HEG1: variants seen among roughly 807,000 people sequenced by gnomAD.
HEG1 encodes protein HEG homolog 1.
A neutral mutation model predicts 125.6 loss-of-function variants in HEG1; 56 were observed. That is an observed-to-expected ratio of 0.45 (90% CI 0.36 to 0.56). The LOEUF (loss-of-function observed/expected upper bound fraction) is 0.56, where lower values mean the gene tolerates loss of function less well. Among genes scored for constraint, HEG1 ranks in the 20% least tolerant of loss-of-function variants. The pLI is 0.00. For synonymous variants in HEG1, 644 were observed against 668.5 expected, an observed-to-expected ratio of 0.96 and a Z score of 0.57; for missense variants, 1,523 against 1,670.0, an observed-to-expected ratio of 0.91 and a Z score of 1.53.
chr3:125,001,712 G>T, intron 11 of HEG1, 140 bp downstream of exon 11: 5 of 797,098 alleles, frequency 6.3e-6, no homozygotes, highest in Non-Finnish European at 8.0e-6. Flanking sequence ...TGTGCACAAA[G>T]GTCTTTGACT....
chr3:124,990,636 G>T, intron 14 of HEG1, 151 bp downstream of exon 14: 1 of 750,680 alleles, frequency 1.3e-6, no homozygotes, highest in Non-Finnish European at 2.2e-6. Context: ...ACCACGTCTG[G>T]CCTTTCTCTT....
At chr3:125,036,928 G>A (rs564866516) in intron 1 of HEG1, among the ~76,000 whole-genome samples, 31 of 152,270 alleles carry the variant, frequency 2.0e-4, no homozygotes, top group African/African-American at 7.5e-4. Flanking sequence ...CATATATTTT[G>A]GCCCAAGAAT....
chr3:125,013,575 A>AGAGGAGGAGGAGGAAGAGGAGGAAGAG lies in HEG1; in HGVS notation c.2003_2004insCTCTTCCTCCTCTTCCTCCTCCTCCTC (p.Ser664_Ser672dup), dbSNP rs1560025435. On this transcript the variant is annotated inframe_insertion, in exon 6 of 17. Transcript: ENST00000311127. Reference sequence around the variant, plus strand: ...GCAAAGGAGGCCCTGAAGAAGAAGAAGAGGAGGAGGAGGAAGAGGAGGAGG... The same window carrying AGAGGAGGAGGAGGAAGAGGAGGAAGAG: ...GCAAAGGAGGCCCTGAAGAAGAAGAAGAGGAGGAGGAGGAAGAGGAGGAAGAGGAGGAGGAGGAGGAAGAGGAGGAGG... 3.8e-6 allele frequency: 6 copies of AGAGGAGGAGGAGGAAGAGGAGGAAGAG among 1,577,732 alleles called. No homozygotes were observed. The highest frequency in any genetic ancestry group is 5.2e-6 in the Non-Finnish European group (6 of 1,163,534).
chr3:124,998,165 T>C (rs1268235621), intron 11 of HEG1, among the ~76,000 whole-genome samples: 2 of 152,118 alleles, frequency 1.3e-5, no homozygotes, highest in Admixed American at 6.5e-5. Flanking sequence ...AATGGCCCCG[T>C]GTCTTCCAAA....
chr3:125,002,107 G>T lies in HEG1; in HGVS notation c.3357-95C>A, dbSNP rs866054453. The T allele has an allele frequency of 5.9e-6, 9 of 1,533,590 alleles. No individual in the cohort carries two copies. The Middle Eastern group carries it at 1.0e-3, about 174-fold the overall frequency. 95.0% of individuals were successfully genotyped at this position (1,533,590 alleles called of 1,614,324 possible). ...AATGTCATCGCCATTCACCAGTGAC[G>T]GGATGGGAGAGCATGAAGGTCAGTG... is the stretch of plus-strand genomic sequence containing the variant. On this transcript the variant is annotated intron_variant, in intron 10 of 16. Coordinates refer to ENST00000311127, the MANE Select transcript of HEG1 (RefSeq NM_020733.2).
intron 3 of HEG1, among the ~76,000 whole-genome samples, chr3:125,022,614 C>T (rs1371251442): frequency 6.6e-6 from 1 of 151,566 alleles, no homozygotes; most frequent in African/African-American, 2.4e-5. Flanking sequence ...GAGTCCCAGA[C>T]CACCAAAACC....
At chr3:124,986,275 C>A (rs943739836) in intron 14 of HEG1, among the ~76,000 whole-genome samples, 8 of 152,210 alleles carry the variant, frequency 5.3e-5, no homozygotes, top group African/African-American at 1.9e-4. Context: ...AAAAAGCCTG[C>A]ATAGAGAAGA....
rs987745964 is a variant in HEG1 at position 125,047,016 on chromosome 3, C to T, written c.316+8559G>A. On this transcript the variant is annotated intron_variant, in intron 1 of 16. Coordinates refer to ENST00000311127, the MANE Select transcript of HEG1 (RefSeq NM_020733.2). ...CTCCTCAGATGACCATAGGTGAGGG[C>T]TGTTGCACTTGGTTTTTCTGACTTC... 1.2e-4 allele frequency among the ~76,000 whole-genome samples: 19 copies of T among 152,240 alleles called. 1 individual carries two copies. Among genetic ancestry groups the T allele is most frequent in the Admixed American group, 6.5e-5 (1 of 15,286 alleles).
chr3:125,036,979 G>A (rs2981537), intron 1 of HEG1, among the ~76,000 whole-genome samples: 153 of 152,050 alleles, frequency 1.0e-3, no homozygotes, highest in African/African-American at 3.4e-3. Flanking sequence ...TATTAGGAAG[G>A]GTGCAAAGTT....
At chr3:124,997,323 C>T (rs1936936878) in intron 12 of HEG1, among the ~76,000 whole-genome samples, 1 of 152,116 alleles carries the variant, frequency 6.6e-6, no homozygotes, top group African/African-American at 2.4e-5. Context: ...TAAGCCTGAC[C>T]CCACGCTTGT....
In HEG1 at chr3:125,029,428, A is replaced by T; in HGVS notation, c.377T>A (p.Phe126Tyr). 1 of 1,606,120 alleles carries T rather than the reference A, an allele frequency of 6.2e-7. No homozygotes were observed. Among genetic ancestry groups the T allele is most frequent in the Non-Finnish European group, 8.5e-7 (1 of 1,179,818 alleles). ...TGAAAAGTCCTCTTGATTCTGATAG[A>T]AGGTGATGTTTTCTACATGGGCCTC... Reference protein sequence around the residue: ...NTEAHVENITFYQNQEDFSTV... With the variant: ...NTEAHVENITYYQNQEDFSTV... Residue 126 changes from phenylalanine (F) to tyrosine (Y), a missense_variant, in exon 2 of 17, where the codon TTC becomes TAC. Coordinates refer to ENST00000311127, the MANE Select transcript of HEG1 (RefSeq NM_020733.2).
At chr3:124,971,504 C>G (rs1203339292) in intron 16 of HEG1, among the ~76,000 whole-genome samples, 2 of 129,112 alleles carry the variant, frequency 1.5e-5, no homozygotes. Flanking sequence ...CTTTTTCTTT[C>G]TTTTTTTAGA....
At chr3:125,034,056 C>G (rs1318855344) in intron 1 of HEG1, among the ~76,000 whole-genome samples, 2 of 148,630 alleles carry the variant, frequency 1.3e-5, no homozygotes, top group African/African-American at 4.9e-5. Context: ...AATTATATCT[C>G]CAATACACAC....
chr3:125,052,432 T>G (rs530883343), intron 1 of HEG1, among the ~76,000 whole-genome samples: 3 of 152,148 alleles, frequency 2.0e-5, no homozygotes, highest in Non-Finnish European at 4.4e-5. Context: ...GGAGCTGCAT[T>G]TTTCTAAGAT....
chr3:125,016,031 G>A (rs1240858157), intron 5 of HEG1, among the ~76,000 whole-genome samples: 1 of 152,206 alleles, frequency 6.6e-6, no homozygotes, highest in African/African-American at 2.4e-5. Context: ...CAGTCTGAAG[G>A]GCTCAAGACC....
At chr3:124,986,990 T>C (rs1936749674) in intron 14 of HEG1, among the ~76,000 whole-genome samples, 1 of 152,220 alleles carries the variant, frequency 6.6e-6, no homozygotes, top group Non-Finnish European at 1.5e-5. Context: ...TAGACTCATG[T>C]TCCCTAGATG....
intron 15 of HEG1, among the ~76,000 whole-genome samples, chr3:124,974,920 G>A (rs1936508032): frequency 1.3e-5 from 2 of 152,126 alleles, no homozygotes; most frequent in African/African-American, 4.8e-5. Flanking sequence ...ACATACTCAT[G>A]CACAACTACC....
intron 1 of HEG1, among the ~76,000 whole-genome samples, chr3:125,046,731 C>A (rs905346303): frequency 6.6e-6 from 1 of 152,174 alleles, no homozygotes; most frequent in Non-Finnish European, 1.5e-5. Flanking sequence ...ATCCGCAACC[C>A]CATTTTCAAT....
intron 1 of HEG1, among the ~76,000 whole-genome samples, chr3:125,047,389 CTCTTTCTACTAA>C (rs1167449581): frequency 3.3e-5 from 5 of 152,238 alleles, no homozygotes; most frequent in African/African-American, 9.6e-5. Flanking sequence ...CTGCGCAGGG[CTCTTTCTACTAA>C]TAGCCCATTT....
Sources: gnomAD v4.1 joint callset for allele counts (sites outside exome capture counted in the v4.1 genomes callset) on GRCh38, gnomAD v4.1.1 for gene constraint, MANE v1.5 for transcripts, NCBI Gene and HGNC (gene_info 2026-07-23, HGNC 2026-07-21) for gene names.